Variants in DDX59 observed in about 807,000 individuals in gnomAD.
DDX59 encodes probable ATP-dependent RNA helicase DDX59.
DDX59 carries 30 observed loss-of-function variants against 51.9 expected under a neutral mutation model. The ratio of observed to expected loss-of-function variants is 0.58; its 90% CI spans 0.43 to 0.78. The LOEUF (loss-of-function observed/expected upper bound fraction) is 0.78, where lower values mean the gene tolerates loss of function less well. DDX59 is among the 30% of genes least tolerant of loss of function. The probability of loss-of-function intolerance (pLI) is 0.00; values close to 1 mark genes in which losing one functional copy is unlikely to be tolerated. For synonymous variants in DDX59, 255 were observed against 253.3 expected, an observed-to-expected ratio of 1.01 and a Z score of -0.06; for missense variants, 672 against 730.8, an observed-to-expected ratio of 0.92 and a Z score of 0.93.
Position 200,644,130 on chromosome 1 carries a change from A to G in DDX59, c.*124T>C, listed in dbSNP as rs1340945410. 6 of 762,152 alleles carry G rather than the reference A, an allele frequency of 7.9e-6. No individual in the cohort carries two copies. In the South Asian group the frequency reaches 2.0e-4, roughly 25 times the overall value. 47.2% of individuals were successfully genotyped at this position (762,152 alleles called of 1,614,324 possible). A position where few individuals can be genotyped will look rare whatever the true frequency, so the allele number is the denominator to read the frequency against. On this transcript the variant is annotated 3_prime_UTR_variant, in exon 8 of 8. Coordinates refer to ENST00000331314, the MANE Select transcript of DDX59 (RefSeq NM_001031725.6). ...AGGGAAATAAATACAATATAGTTAT[A>G]TAAATTTTATTAAATTAAAAATATC...
chr1:200,643,665 C>CAA (rs950785687), downstream of DDX59, among the ~76,000 whole-genome samples: 3 of 151,916 alleles, frequency 2.0e-5, no homozygotes, highest in African/African-American at 4.8e-5. Flanking sequence ...AAAACAAAAA[C>CAA]AAACAAAAAA....
chr1:200,650,001 C>G (rs1661552811), intron 5 of DDX59, among the ~76,000 whole-genome samples: 1 of 151,972 alleles, frequency 6.6e-6, no homozygotes. Context: ...TGCCACCACG[C>G]CTGGCTAATT....
chr1:200,659,705 TTTGTTG>T (rs994236939), intron 3 of DDX59, among the ~76,000 whole-genome samples: 1 of 152,160 alleles, frequency 6.6e-6, no homozygotes, highest in African/African-American at 2.4e-5. Context: ...ATGGGGGCTT[TTTGTTG>T]TTGTTGTTGA....
Position 200,644,198 on chromosome 1 carries a change from C to T in DDX59, c.*56G>A. The T allele has an allele frequency of 3.1e-6, 4 of 1,282,330 alleles. No individual in the cohort carries two copies. Among genetic ancestry groups the T allele is most frequent in the Non-Finnish European group, 4.0e-6 (4 of 995,314 alleles). 79.4% of individuals were successfully genotyped at this position (1,282,330 alleles called of 1,614,324 possible). ...CATGTACATTTCCATTTATGCAAACCATAATTTTTTGCTGACTATATACAA... is the reference window on the plus strand; with the variant it reads ...CATGTACATTTCCATTTATGCAAACTATAATTTTTTGCTGACTATATACAA... On this transcript the variant is annotated 3_prime_UTR_variant, in exon 8 of 8. Transcript: ENST00000331314.
chr1:200,650,561 T>A lies in DDX59; in HGVS notation c.1178A>T (p.Gln393Leu). ...ATTATGCAGAAGCTGGCTTGCTAGCTGTTCTATGCTAGTTGGAATTGTGGC... is the reference window on the plus strand; with the variant it reads ...ATTATGCAGAAGCTGGCTTGCTAGCAGTTCTATGCTAGTTGGAATTGTGGC... ...VSATIPTSIEQLASQLLHNPV... is the reference protein window; with the variant it reads ...VSATIPTSIELLASQLLHNPV... Residue 393 changes from glutamine (Q) to leucine (L), a missense_variant, in exon 5 of 8, where the codon CAG (glutamine) becomes CTG (leucine). Gln to Leu is a moderately radical substitution (Grantham distance 113). Coordinates refer to ENST00000331314, the MANE Select transcript of DDX59 (RefSeq NM_001031725.6). 1 of 1,614,136 alleles carries A rather than the reference T, an allele frequency of 6.2e-7. No individual in the cohort carries two copies. Among genetic ancestry groups the A allele is most frequent in the South Asian group, 1.1e-5 (1 of 91,084 alleles).
intron 4 of DDX59, among the ~76,000 whole-genome samples, chr1:200,655,690 T>C (rs1008385843): frequency 6.6e-6 from 1 of 152,190 alleles, no homozygotes; most frequent in Admixed American, 6.5e-5. Context: ...CCTCTAGTTT[T>C]CTCAATCTTT....
At chr1:200,664,967 G>A (rs992790294) in intron 2 of DDX59, among the ~76,000 whole-genome samples, 60 of 152,138 alleles carry the variant, frequency 3.9e-4, no homozygotes, top group Admixed American at 3.9e-3. Context: ...GAGCCACTGT[G>A]CCCCGCCTTC....
chr1:200,667,538 A>G (rs1407188096), intron 1 of DDX59, among the ~76,000 whole-genome samples: 1 of 152,214 alleles, frequency 6.6e-6, no homozygotes, highest in African/African-American at 2.4e-5. Context: ...CACACTGCTC[A>G]ACATAGCCTT....
intron 4 of DDX59, among the ~76,000 whole-genome samples, chr1:200,656,556 T>C (rs1323509769): frequency 6.6e-6 from 1 of 152,216 alleles, no homozygotes; most frequent in Non-Finnish European, 1.5e-5. Context: ...ATATAACTGA[T>C]TATGTTTACC....
At chr1:200,658,200 T>C (rs755071022) in intron 4 of DDX59, among the ~76,000 whole-genome samples, 17 of 152,334 alleles carry the variant, frequency 1.1e-4, no homozygotes, top group African/African-American at 3.6e-4. Flanking sequence ...GGAAGATGCA[T>C]GTGCCCCGCA....
intron 1 of DDX59, 125 bp downstream of exon 1, chr1:200,669,642 G>A (rs1663035441): frequency 6.6e-6 from 1 of 152,282 alleles, no homozygotes; most frequent in Non-Finnish European, 1.5e-5. Flanking sequence ...TGGGACACGG[G>A]GAACTGTAAG....
intron 3 of DDX59, 90 bp downstream of exon 3, chr1:200,663,829 C>G: frequency 8.2e-7 from 1 of 1,217,474 alleles, no homozygotes; most frequent in Non-Finnish European, 1.1e-6. Context: ...TAAAATCATA[C>G]TTTTAAAAAT....
At chr1:200,663,567 T>C (rs1662511083) in intron 3 of DDX59, among the ~76,000 whole-genome samples, 1 of 152,210 alleles carries the variant, frequency 6.6e-6, no homozygotes, top group Admixed American at 6.5e-5. Context: ...ATTTATTAGC[T>C]ATAGATCCTT....
chr1:200,652,070 A>G (rs1558119216), intron 4 of DDX59, among the ~76,000 whole-genome samples: 1 of 151,242 alleles, frequency 6.6e-6, no homozygotes, highest in Non-Finnish European at 1.5e-5. Flanking sequence ...CCAGGTGTCT[A>G]TAATTTGGGA....
chr1:200,646,476 G>T (rs915945417), intron 7 of DDX59, among the ~76,000 whole-genome samples: 1 of 152,040 alleles, frequency 6.6e-6, no homozygotes, highest in African/African-American at 2.4e-5. Flanking sequence ...TTTCTCCAAA[G>T]AAGTTACAAA....
At chr1:200,650,733 C>T in intron 4 of DDX59, 57 bp from the exon 5 acceptor site, 1 of 1,419,594 alleles carries the variant, frequency 7.0e-7, no homozygotes, top group Non-Finnish European at 9.4e-7. Flanking sequence ...CAGAACCACC[C>T]CCAAAAAAGA....
chr1:200,659,141 TA>T, intron 3 of DDX59, 25 bp from the exon 4 acceptor site: 1 of 1,559,076 alleles, frequency 6.4e-7, no homozygotes. Context: ...AAAAGCAAAT[TA>T]AAAAAATCAG....
chr1:200,653,514 T>C (rs1449856003), intron 4 of DDX59, among the ~76,000 whole-genome samples: 26 of 152,178 alleles, frequency 1.7e-4, no homozygotes, highest in Non-Finnish European at 1.5e-5. Context: ...TAACCAATTC[T>C]CAAGCAACCA....
At position 200,666,609 on chromosome 1, in the gene DDX59, A is replaced by G. The variant is rs139398102; in HGVS notation, c.132T>C (p.Ala44=). ...CTATTGTGGCTGCTTCTGTAGCTAC[A>G]GCATCAACGGGAACATCTCTGCTTT... ...LDKSRDVPVD[A]VATEAATIDR... is the part of the protein sequence containing the mutation. The change falls in exon 2 of 8, where the codon GCT becomes GCC. Residue 44 remains alanine (A), a synonymous_variant. Coordinates refer to ENST00000331314, the MANE Select transcript of DDX59 (RefSeq NM_001031725.6). The G allele has an allele frequency of 2.5e-6, 4 of 1,614,204 alleles. No homozygotes were observed. The highest frequency in any genetic ancestry group is 1.7e-5 in the Admixed American group (1 of 60,020).
Sources: gnomAD v4.1 joint callset for allele counts (sites outside exome capture counted in the v4.1 genomes callset) on GRCh38, gnomAD v4.1.1 for gene constraint, MANE v1.5 for transcripts, NCBI Gene and HGNC (gene_info 2026-07-23, HGNC 2026-07-21) for gene names.